FHOD3: variants seen among roughly 807,000 people sequenced by gnomAD.
The protein encoded by FHOD3 is formin homology 2 domain containing 3.
In FHOD3, 90 loss-of-function variants were observed where a neutral mutation model predicts 173.0. The observed-to-expected ratio is 0.52, with a 90% CI of 0.44 to 0.62. The LOEUF is 0.62. Ranked by LOEUF, FHOD3 falls within the 20% of genes least tolerant of loss-of-function variation. The pLI, the probability that FHOD3 is intolerant of heterozygous loss-of-function variation, is 0.00. For synonymous variants in FHOD3, 828 were observed against 823.0 expected, an observed-to-expected ratio of 1.01 and a Z score of -0.10; for missense variants, 1,945 against 2,034.7, an observed-to-expected ratio of 0.96 and a Z score of 0.85.
intron 1 of FHOD3, among the ~76,000 whole-genome samples, chr18:36,303,820 G>A (rs2092018931): frequency 6.6e-6 from 1 of 152,016 alleles, no homozygotes; most frequent in Non-Finnish European, 1.5e-5. Context: ...TCAGAGTCTT[G>A]GGTTTGTCAG....
Position 36,740,800 on chromosome 18 carries a change from C to T in FHOD3, c.3721C>T (p.Leu1241Phe), listed in dbSNP as rs2150042037. 1 of 1,613,184 alleles carries T rather than the reference C, an allele frequency of 6.2e-7. No homozygotes were observed. Among genetic ancestry groups the T allele is most frequent in the African/African-American group, 1.3e-5 (1 of 74,922 alleles). The change falls in exon 21 of 29, where the codon CTC (leucine) becomes TTC (phenylalanine). Residue 1241 changes from leucine (L) to phenylalanine (F), a missense_variant. Coordinates refer to ENST00000590592, the MANE Select transcript of FHOD3 (RefSeq NM_001281740.3). ...SISELSARLH[L>F]WAFKMDYETT... Reference sequence around the variant, plus strand: ...CAGCGAGCTCTCTGCACGACTTCACCTCTGGGCATTCAAAATGGATTATGA... The same window carrying T: ...CAGCGAGCTCTCTGCACGACTTCACTTCTGGGCATTCAAAATGGATTATGA...
At chr18:36,716,168 G>A in intron 18 of FHOD3, among the ~76,000 whole-genome samples, 1 of 152,236 alleles carries the variant, frequency 6.6e-6, no homozygotes, top group East Asian at 1.9e-4. Flanking sequence ...TGGCTGTTGG[G>A]GTAAGAACTG....
At chr18:36,434,507 C>A (rs2050714252) in intron 3 of FHOD3, among the ~76,000 whole-genome samples, 1 of 152,136 alleles carries the variant, frequency 6.6e-6, no homozygotes, top group African/African-American at 2.4e-5. Flanking sequence ...TCTTCAAATT[C>A]TTTGTCAAAA....
At chr18:36,418,094 A>G (rs926639920) in intron 3 of FHOD3, among the ~76,000 whole-genome samples, 1 of 152,158 alleles carries the variant, frequency 6.6e-6, no homozygotes, top group Non-Finnish European at 1.5e-5. Context: ...CAAAAATGAC[A>G]CTTGTCAGTT....
chr18:36,382,571 G>A (rs985142656), intron 3 of FHOD3, among the ~76,000 whole-genome samples: 1 of 152,126 alleles, frequency 6.6e-6, no homozygotes, highest in Non-Finnish European at 1.5e-5. Flanking sequence ...GAAGGTCAGA[G>A]GCAAAAAATG....
intron 5 of FHOD3, among the ~76,000 whole-genome samples, chr18:36,548,106 C>G (rs370757812): frequency 1.3e-5 from 2 of 152,002 alleles, no homozygotes; most frequent in South Asian, 2.1e-4. Flanking sequence ...GCAGGAGAAT[C>G]GCTTGAACCC....
At chr18:36,361,148 T>TTCAA (rs2145862252) in intron 2 of FHOD3, among the ~76,000 whole-genome samples, 2 of 151,862 alleles carry the variant, frequency 1.3e-5, no homozygotes, top group Admixed American at 1.3e-4. Context: ...CAGTGACAGG[T>TTCAA]TCAAGCTCCT....
intron 16 of FHOD3, chr18:36,692,852 G>T (rs531883710): frequency 1.6e-5 from 4 of 252,686 alleles, no homozygotes; most frequent in Admixed American, 1.0e-4. Context: ...CTCCGAGGGG[G>T]TTTGGTTTTC....
chr18:36,485,052 T>G (rs949666744), intron 3 of FHOD3, among the ~76,000 whole-genome samples: 1 of 151,576 alleles, frequency 6.6e-6, no homozygotes, highest in Non-Finnish European at 1.5e-5. Context: ...TGGGAAGGAG[T>G]TGGGGTGTGG....
intron 5 of FHOD3, among the ~76,000 whole-genome samples, chr18:36,517,501 A>C (rs1432727100): frequency 1.3e-5 from 2 of 152,094 alleles, no homozygotes; most frequent in Admixed American, 6.5e-5. Context: ...TGGAGGAGAA[A>C]AGAGAGAGAG....
chr18:36,307,597 A>G (rs1025784780), intron 1 of FHOD3, among the ~76,000 whole-genome samples: 1 of 152,220 alleles, frequency 6.6e-6, no homozygotes, highest in Non-Finnish European at 1.5e-5. Context: ...GTATGTGTTT[A>G]TTGATGTGCA....
In FHOD3 at chr18:36,720,330, C is replaced by T. The variant is rs570664379; in HGVS notation, c.3417+1615C>T. On this transcript the variant is annotated intron_variant, in intron 19 of 28. Coordinates refer to ENST00000590592, the MANE Select transcript of FHOD3 (RefSeq NM_001281740.3). ...TTGGCTCACTGCAACCTCCACCTCC[C>T]GGGTTCAAGAGATTCTCCTGCCTCC... is the stretch of plus-strand genomic sequence containing the variant. Among the ~76,000 whole-genome samples the T allele has an allele frequency of 7.9e-5, 12 of 151,396 alleles. No individual in the cohort carries two copies. In the South Asian group the frequency reaches 1.0e-3, roughly 13 times the overall value.
intron 28 of FHOD3, among the ~76,000 whole-genome samples, chr18:36,774,011 C>T (rs951955714): frequency 6.6e-6 from 1 of 152,314 alleles, no homozygotes; most frequent in South Asian, 2.1e-4. Context: ...TTGTGGAAAA[C>T]TCAAGTCTGT....
chr18:36,701,530 A>G (rs1228569686), intron 17 of FHOD3, among the ~76,000 whole-genome samples: 2 of 152,186 alleles, frequency 1.3e-5, no homozygotes, highest in African/African-American at 4.8e-5. Flanking sequence ...TCTAATTTAA[A>G]TAGCGCTTTT....
rs62082320 is a variant in FHOD3 at position 36,503,647 on chromosome 18, A to G, written c.405+1648A>G. On this transcript the variant is annotated intron_variant, in intron 4 of 28. Transcript: ENST00000590592. ...GGGGTTTAGAGGTCTGCCTTGGTTC[A>G]TGCCTGGAAAATTGCAGCAGCTATT... Among the ~76,000 whole-genome samples, 1,299 of 152,302 alleles carry G rather than the reference A, an allele frequency of 8.5e-3. 25 individuals carry two copies. Among genetic ancestry groups the G allele is most frequent in the South Asian group, 0.075 (360 of 4,828 alleles).
chr18:36,519,613 A>C (rs140767179), intron 5 of FHOD3, among the ~76,000 whole-genome samples: 10 of 152,326 alleles, frequency 6.6e-5, no homozygotes, highest in African/African-American at 2.2e-4. Flanking sequence ...CCATGGGTCA[A>C]GTGGGCAAGG....
chr18:36,623,189 G>A (rs2033842984), intron 9 of FHOD3, among the ~76,000 whole-genome samples: 1 of 152,210 alleles, frequency 6.6e-6, no homozygotes, highest in Non-Finnish European at 1.5e-5. Context: ...AGTTAAAGTG[G>A]ATTTCACTTC....
intron 17 of FHOD3, among the ~76,000 whole-genome samples, chr18:36,705,772 G>C (rs1029665198): frequency 2.6e-5 from 4 of 152,170 alleles, no homozygotes; most frequent in Admixed American, 1.3e-4. Flanking sequence ...TCCTAGGAGG[G>C]AAACAAGCAC....
intron 27 of FHOD3, among the ~76,000 whole-genome samples, chr18:36,767,335 C>T (rs1202932529): frequency 2.6e-5 from 4 of 151,676 alleles, no homozygotes; most frequent in Non-Finnish European, 5.9e-5. Context: ...TCAGTAATAA[C>T]GGAAATCAGA....
Sources: gnomAD v4.1 joint callset for allele counts (sites outside exome capture counted in the v4.1 genomes callset) on GRCh38, gnomAD v4.1.1 for gene constraint, MANE v1.5 for transcripts, NCBI Gene and HGNC (gene_info 2026-07-23, HGNC 2026-07-21) for gene names.